Variants in KIFC3 observed in about 807,000 individuals in gnomAD.
The protein encoded by KIFC3 is kinesin family member C3.
KIFC3 carries 60 observed loss-of-function variants against 101.8 expected under a neutral mutation model. The ratio of observed to expected loss-of-function variants is 0.59; its 90% CI spans 0.48 to 0.73. The LOEUF (loss-of-function observed/expected upper bound fraction) is 0.73. Ranked by LOEUF, KIFC3 falls within the 30% of genes least tolerant of loss-of-function variation. The pLI is 0.00. For synonymous variants in KIFC3, 476 were observed against 482.7 expected (o/e 0.99, Z 0.18); for missense variants, 966 against 1,137.1 (o/e 0.85, Z 2.16).
rs2050905461 is a variant in KIFC3, at chr16:57,769,623, T to C, written c.1190A>G (p.Gln397Arg). 1 of 1,611,110 alleles carries C rather than the reference T, an allele frequency of 6.2e-7. No individual in the cohort carries two copies. Among genetic ancestry groups the C allele is most frequent in the Non-Finnish European group, 8.5e-7 (1 of 1,179,984 alleles). Residue 397 changes from glutamine (Q) to arginine (R), a missense_variant, in exon 9 of 20, where the codon CAG becomes CGG. Gln to Arg is a conservative substitution (Grantham distance 43). Transcript: ENST00000445690. The surrounding 1 kb of genome is among the most constrained non-coding windows in gnomAD (Gnocchi z 4.3). ...RQVRGFPLLL[Q>R]EALRSVKAEI... ...GGCCTTGACACTCCTGAGGGCCTCC[T>C]GCAGCAGCAGTGGGAAGCCGCGCAC...
intron 1 of KIFC3, among the ~76,000 whole-genome samples, chr16:57,849,248 G>A (rs139365666): frequency 2.0e-5 from 3 of 152,198 alleles, no homozygotes; most frequent in Non-Finnish European, 4.4e-5. Context: ...CAGTAGAAAG[G>A]GTACGTTGTA....
chr16:57,781,469 G>A (rs2052728806), intron 3 of KIFC3, among the ~76,000 whole-genome samples: 1 of 152,200 alleles, frequency 6.6e-6, no homozygotes, highest in Non-Finnish European at 1.5e-5. Context: ...ACAACACTGG[G>A]GAGGGTCATC....
Position 57,771,595 on chromosome 16 carries a change from T to TGCAGCTCGGCCTCACAGCGCC in KIFC3, c.452_472dup (p.Arg151_Leu157dup). The TGCAGCTCGGCCTCACAGCGCC allele has an allele frequency of 1.9e-6, 3 of 1,613,514 alleles. No homozygotes were observed. The highest frequency in any genetic ancestry group is 2.5e-6 in the Non-Finnish European group (3 of 1,180,022). On this transcript the variant is annotated inframe_insertion, in exon 5 of 20. Coordinates refer to ENST00000445690, the MANE Select transcript of KIFC3 (RefSeq NM_001130100.2). ...ACCTGCTGGCTTTGTGCGCAGCTCTTGCAGCTCGGCCTCACAGCGCCGCAT... is the reference window on the plus strand; with the variant it reads ...ACCTGCTGGCTTTGTGCGCAGCTCTTGCAGCTCGGCCTCACAGCGCCGCAGCTCGGCCTCACAGCGCCGCAT...
intron 1 of KIFC3, among the ~76,000 whole-genome samples, chr16:57,801,400 CT>C (rs782389285): frequency 4.6e-5 from 7 of 152,326 alleles, no homozygotes; most frequent in Non-Finnish European, 8.8e-5. Context: ...AAACCCTCTG[CT>C]CCCTGGTGCC....
At chr16:57,797,897 G>T (rs1220654791) in intron 2 of KIFC3, 175 bp downstream of exon 2, 5 of 1,478,196 alleles carry the variant, frequency 3.4e-6, no homozygotes, top group Non-Finnish European at 4.5e-6. Context: ...GGGAAGGAGC[G>T]CCCGGCGAGA....
intron 9 of KIFC3, 149 bp from the exon 10 acceptor site, chr16:57,767,134 T>C (rs2050587863): frequency 1.6e-6 from 1 of 629,018 alleles, no homozygotes; most frequent in Non-Finnish European, 2.8e-6. Context: ...CAATCACCCC[T>C]CTGGGTAGGT....
rs1271797525 is a variant in KIFC3, at chr16:57,802,431, C to T, written c.-101G>A. On this transcript the variant is annotated 5_prime_UTR_variant, in exon 1 of 20. Coordinates refer to ENST00000445690, the MANE Select transcript of KIFC3 (RefSeq NM_001130100.2). This position sits in a 1 kb window ranked among gnomAD's most constrained non-coding sequence, Gnocchi z 5.0. The stretch of plus-strand genomic sequence containing the variant: ...CGCCCGGGGCTCGGCCCGGCCCGGC[C>T]CGCCGGCAGGAGGCAGCTCCACGCC... 8.0e-5 allele frequency: 79 copies of T among 983,062 alleles called. No individual in the cohort carries two copies. Among genetic ancestry groups the T allele is most frequent in the Middle Eastern group, 1.0e-3 (2 of 1,914 alleles). 60.9% of individuals were successfully genotyped at this position (983,062 alleles called of 1,614,324 possible).
intron 1 of KIFC3, among the ~76,000 whole-genome samples, chr16:57,847,280 GGAGGGAGA>G (rs1415474061): frequency 1.5e-5 from 2 of 133,450 alleles, no homozygotes; most frequent in African/African-American, 5.6e-5. Flanking sequence ...GGGAAGGGAG[GGAGGGAGA>G]GAGGGCGGGG....
At chr16:57,765,360 C>T (rs530694615) in intron 11 of KIFC3, 99 bp downstream of exon 11, 15 of 1,207,526 alleles carry the variant, frequency 1.2e-5, no homozygotes, top group Non-Finnish European at 1.6e-5. Context: ...CTGCACCCCC[C>T]ACTCTTAACG....
chr16:57,759,145 G>A lies in KIFC3; in HGVS notation c.*4C>T, dbSNP rs782193223. The A allele has an allele frequency of 2.6e-6, 4 of 1,550,888 alleles. No homozygotes were observed. Among genetic ancestry groups the A allele is most frequent in the South Asian group, 1.2e-5 (1 of 84,068 alleles). On this transcript the variant is annotated 3_prime_UTR_variant, in exon 19 of 20. Transcript: ENST00000445690. Reference sequence around the variant, plus strand: ...CTCACCTAGAGACTCTGCAGCCCCAGCCGTCAGGCTGAAATCAAAGTGACA... The same window carrying A: ...CTCACCTAGAGACTCTGCAGCCCCAACCGTCAGGCTGAAATCAAAGTGACA...
intron 3 of KIFC3, among the ~76,000 whole-genome samples, chr16:57,793,498 C>G (rs782563771): frequency 6.6e-6 from 1 of 151,190 alleles, no homozygotes; most frequent in South Asian, 2.1e-4. Flanking sequence ...GAGGCTGAGA[C>G]AGGAGAATCA....
intron 10 of KIFC3, among the ~76,000 whole-genome samples, chr16:57,766,518 A>G (rs1366379380): frequency 6.6e-6 from 1 of 152,130 alleles, no homozygotes; most frequent in Admixed American, 6.5e-5. Flanking sequence ...CATGCAGTGA[A>G]TGGTGGAGTC....
At chr16:57,785,749 C>T (rs575888165) in intron 3 of KIFC3, 1 of 830,180 alleles carries the variant, frequency 1.2e-6, no homozygotes, top group East Asian at 8.0e-5. Flanking sequence ...CAAGACAGAC[C>T]ACCAGGGATG....
At chr16:57,818,873 TC>T (rs770642752) in intron 1 of KIFC3, among the ~76,000 whole-genome samples, 2 of 152,210 alleles carry the variant, frequency 1.3e-5, no homozygotes, top group Non-Finnish European at 2.9e-5. Flanking sequence ...TAAATTTACC[TC>T]CTCAAATATC....
At chr16:57,766,534 C>A (rs782735828) in intron 10 of KIFC3, among the ~76,000 whole-genome samples, 2 of 152,160 alleles carry the variant, frequency 1.3e-5, no homozygotes, top group Non-Finnish European at 2.9e-5. Flanking sequence ...GAGTCTCAAG[C>A]TTGACCAGGC....
intron 1 of KIFC3, chr16:57,798,687 C>T (rs1381911959): frequency 3.8e-6 from 1 of 260,044 alleles, no homozygotes; most frequent in African/African-American, 2.3e-5. Flanking sequence ...CACTTAACCA[C>T]ATGCTTAACC....
intron 3 of KIFC3, among the ~76,000 whole-genome samples, chr16:57,787,690 A>G (rs776661019): frequency 1.2e-4 from 19 of 152,074 alleles, no homozygotes; most frequent in African/African-American, 4.6e-4. Flanking sequence ...TCAGCGCACA[A>G]TCAGCAAGAT....
chr16:57,778,860 C>T (rs1392161022), intron 3 of KIFC3, among the ~76,000 whole-genome samples: 4 of 152,116 alleles, frequency 2.6e-5, no homozygotes, highest in South Asian at 2.1e-4. Flanking sequence ...TGACCATGAA[C>T]GGCCACTGCA....
intron 1 of KIFC3, chr16:57,816,697 AC>A (rs782358994): frequency 2.2e-6 from 1 of 456,306 alleles, no homozygotes; most frequent in Middle Eastern, 3.3e-4. Context: ...CTTGGAGGGC[AC>A]CCCCACCAAC....
Sources: allele counts gnomAD v4.1 joint callset (sites outside exome capture counted in the v4.1 genomes callset), GRCh38; gene constraint gnomAD v4.1.1; non-coding constraint Gnocchi (gnomAD v3.1); transcripts MANE v1.5; gene names NCBI Gene and HGNC (gene_info 2026-07-23, HGNC 2026-07-21).